The following MAP6 variants were observed in gnomAD, a reference collection of about 807,000 sequenced individuals.
MAP6 encodes the protein microtubule associated protein 6, also known as microtubule-associated protein 6.
Under a neutral mutation model 42.4 loss-of-function variants are expected in MAP6, and 26 were observed. The ratio of observed to expected loss-of-function variants is 0.61; its 90% CI spans 0.45 to 0.85. The LOEUF (loss-of-function observed/expected upper bound fraction) is 0.85, where lower values mean the gene tolerates loss of function less well. Ranked by LOEUF, MAP6 falls within the 40% of genes least tolerant of loss-of-function variation. The pLI, the probability that MAP6 is intolerant of heterozygous loss-of-function variation, is 0.00. For synonymous variants in MAP6, 418 were observed against 443.8 expected (o/e 0.94, Z 0.73); for missense variants, 966 against 1,099.0 (o/e 0.88, Z 1.71).
chr11:75,638,243 A>G lies in MAP6; in HGVS notation c.905+29222T>C, dbSNP rs75568821. ...CAGGAAGTGTCCTACTCAAGATAAT[A>G]TACAACTAAATGAATTGATTAGAAA... On this transcript the variant is annotated intron_variant, in intron 1 of 3. Transcript: ENST00000304771. Among the ~76,000 whole-genome samples, 765 of 152,328 alleles carry G rather than the reference A, an allele frequency of 5.0e-3. 10 individuals are homozygous for G. Among genetic ancestry groups the G allele is most frequent in the African/African-American group, 0.017 (713 of 41,566 alleles).
intron 1 of MAP6, among the ~76,000 whole-genome samples, chr11:75,656,390 T>C (rs1449143767): frequency 2.0e-5 from 3 of 152,194 alleles, no homozygotes; most frequent in African/African-American, 7.2e-5. Context: ...CAGTGGACTA[T>C]GCTAAGATAA....
chr11:75,636,847 C>G (rs909417086), intron 1 of MAP6, among the ~76,000 whole-genome samples: 2 of 152,224 alleles, frequency 1.3e-5, no homozygotes, highest in African/African-American at 4.8e-5. Flanking sequence ...CTCCCTCAAT[C>G]CTTCTTGCCT....
intron 1 of MAP6, among the ~76,000 whole-genome samples, chr11:75,649,829 G>A (rs183804353): frequency 2.6e-5 from 4 of 152,118 alleles, no homozygotes; most frequent in East Asian, 3.9e-4. Context: ...GTGAGCCACC[G>A]CACCCAGCCT....
chr11:75,620,433 T>G (rs1027330893), intron 1 of MAP6, among the ~76,000 whole-genome samples: 76 of 145,290 alleles, frequency 5.2e-4, no homozygotes, highest in Middle Eastern at 3.6e-3. Flanking sequence ...ATGGTGCCAC[T>G]GCACTCCAGC....
intron 3 of MAP6, among the ~76,000 whole-genome samples, chr11:75,602,215 C>A (rs1942675455): frequency 6.6e-6 from 1 of 152,074 alleles, no homozygotes; most frequent in Non-Finnish European, 1.5e-5. Flanking sequence ...CCTTACATAT[C>A]CACACCCCAG....
In MAP6 at chr11:75,589,942, C is replaced by T. The variant is rs1942446313; in HGVS notation, c.1317-1758G>A. Among the ~76,000 whole-genome samples the T allele has an allele frequency of 2.6e-5, 4 of 152,260 alleles. No individual in the cohort carries two copies. In the South Asian group the frequency reaches 8.3e-4, roughly 32 times the overall value. ...AGGGACTGGTATTTCTCAGCAGAGT[C>T]CACACAGCACAGGCAACCTCTCCAT... On this transcript the variant is annotated intron_variant, in intron 3 of 3. Transcript: ENST00000304771.
chr11:75,659,699 C>T (rs986579350), intron 1 of MAP6, among the ~76,000 whole-genome samples: 2 of 152,206 alleles, frequency 1.3e-5, no homozygotes, highest in Admixed American at 6.5e-5. Context: ...GAATGAGAAG[C>T]TCACCTATTT....
rs1943967251 is a variant in MAP6, at chr11:75,667,423, C to A, written c.905+42G>T. On this transcript the variant is annotated intron_variant, in intron 1 of 3. Coordinates refer to ENST00000304771, the MANE Select transcript of MAP6 (RefSeq NM_033063.2). The surrounding 1 kb of genome is among the most constrained non-coding windows in gnomAD (Gnocchi z 5.6). ...GCCCCGGGCAGCCCGCGGGGAGGGT[C>A]TGCGTGGTGACTCCCCCGCGCTAGC... 5 of 1,420,532 alleles carry A rather than the reference C, an allele frequency of 3.5e-6. No individual in the cohort carries two copies. Among genetic ancestry groups the A allele is most frequent in the South Asian group, 1.5e-5 (1 of 68,790 alleles). The allele number at this position is 1,420,532 out of a possible 1,614,324, so 88.0% of individuals were successfully genotyped here. A position where few individuals can be genotyped will look rare whatever the true frequency, so the allele number is the denominator to read the frequency against.
At position 75,667,488 on chromosome 11, in the gene MAP6, C is replaced by T. The variant is rs761950920; in HGVS notation, c.882G>A (p.Ala294=). Residue 294 remains alanine (A), a synonymous_variant, in exon 1 of 4, where the codon GCG becomes GCA. Transcript: ENST00000304771. The surrounding 1 kb of genome is among the most constrained non-coding windows in gnomAD (Gnocchi z 5.6). ...ALNRQIREEV[A]SAVSSSYRNE... ...ACCTGTAGGAGCTGCTCACTGCACT[C>T]GCCACCTCCTCGCGGATTTGCCGGT... 14 of 1,509,434 alleles carry T rather than the reference C, an allele frequency of 9.3e-6. No homozygotes were observed. The highest frequency in any genetic ancestry group is 1.2e-5 in the Non-Finnish European group (14 of 1,137,888). 93.5% of individuals were successfully genotyped at this position (1,509,434 alleles called of 1,614,324 possible).
At chr11:75,638,879 T>C (rs1032696948) in intron 1 of MAP6, among the ~76,000 whole-genome samples, 1 of 152,092 alleles carries the variant, frequency 6.6e-6, no homozygotes, top group Non-Finnish European at 1.5e-5. Context: ...CTGTTCACAA[T>C]AGCAAAGATA....
Position 75,668,990 on chromosome 11 carries a change from G to A in MAP6, c.-621C>T. The stretch of plus-strand genomic sequence containing the variant: ...TTTTCTGCAGCTCTCGGTCTCCGCC[G>A]CTGCCCGCGAATGATGCTGCAGCCG... On this transcript the variant is annotated 5_prime_UTR_variant, in exon 1 of 4. Transcript: ENST00000304771. 2 of 170,542 alleles carry A rather than the reference G, an allele frequency of 1.2e-5. No homozygotes were observed. The highest frequency in any genetic ancestry group is 2.5e-5 in the Non-Finnish European group (2 of 79,146). 10.6% of individuals were successfully genotyped at this position (170,542 alleles called of 1,614,324 possible). A position where few individuals can be genotyped will look rare whatever the true frequency, so the allele number is the denominator to read the frequency against.
intron 1 of MAP6, among the ~76,000 whole-genome samples, chr11:75,620,277 C>T (rs779108010): frequency 6.6e-6 from 1 of 151,838 alleles, no homozygotes; most frequent in Admixed American, 6.6e-5. Context: ...TGAGACCAGC[C>T]CGGCCAACAT....
intron 3 of MAP6, among the ~76,000 whole-genome samples, chr11:75,590,610 G>T (rs879296899): frequency 6.6e-6 from 1 of 152,118 alleles, no homozygotes; most frequent in African/African-American, 2.4e-5. Flanking sequence ...TCTTTAGTGG[G>T]TATCTTTAAT....
At chr11:75,590,558 A>G (rs969997519) in intron 3 of MAP6, among the ~76,000 whole-genome samples, 4 of 152,242 alleles carry the variant, frequency 2.6e-5, no homozygotes, top group African/African-American at 9.6e-5. Context: ...TCAACTTTGC[A>G]TGGATACATA....
chr11:75,664,957 A>G (rs1478377125), intron 1 of MAP6, among the ~76,000 whole-genome samples: 13 of 152,166 alleles, frequency 8.5e-5, no homozygotes, highest in Non-Finnish European at 1.8e-4. Context: ...GAAGAAATTG[A>G]TGTTTCTTAG....
chr11:75,665,284 A>G (rs1943928651), intron 1 of MAP6, among the ~76,000 whole-genome samples: 2 of 152,238 alleles, frequency 1.3e-5, no homozygotes, highest in South Asian at 4.1e-4. Flanking sequence ...AAAAGGCTAT[A>G]TGGAACAAGG....
At chr11:75,622,798 GAATAGAGTGTTCAGA>G (rs1464987942) in intron 1 of MAP6, among the ~76,000 whole-genome samples, 1 of 152,224 alleles carries the variant, frequency 6.6e-6, no homozygotes, top group African/African-American at 2.4e-5. Flanking sequence ...TCTATGAACG[GAATAGAGTGTTCAGA>G]AATAGATCTT....
At chr11:75,591,816 C>T (rs761320106) in intron 3 of MAP6, among the ~76,000 whole-genome samples, 8 of 152,206 alleles carry the variant, frequency 5.3e-5, no homozygotes, top group Non-Finnish European at 1.0e-4. Flanking sequence ...CACCATAGAC[C>T]TCAGTTTCCC....
At chr11:75,611,597 T>C (rs1298259827) in intron 1 of MAP6, among the ~76,000 whole-genome samples, 1 of 152,058 alleles carries the variant, frequency 6.6e-6, no homozygotes, top group Non-Finnish European at 1.5e-5. Context: ...TTCGTCAAGG[T>C]GTGAAAATGA....
Sources: allele counts gnomAD v4.1 joint callset (sites outside exome capture counted in the v4.1 genomes callset), GRCh38; gene constraint gnomAD v4.1.1; non-coding constraint Gnocchi (gnomAD v3.1); transcripts MANE v1.5; gene names NCBI Gene and HGNC (gene_info 2026-07-23, HGNC 2026-07-21).